KSR2: variants seen among roughly 807,000 people sequenced by gnomAD.
The protein encoded by KSR2 is kinase suppressor of ras 2.
Under a neutral mutation model 107.8 loss-of-function variants are expected in KSR2, and 25 were observed. The observed-to-expected ratio is 0.23, with a 90% CI of 0.17 to 0.32. KSR2 has a LOEUF of 0.32. Among genes scored for constraint, KSR2 ranks in the 10% least tolerant of loss-of-function variants. The pLI is 1.00. For synonymous variants in KSR2, 480 were observed against 507.0 expected (o/e 0.95, Z 0.71); for missense variants, 887 against 1,268.9 (o/e 0.70, Z 4.57).
chr12:117,958,743 C>T (rs1387608598), intron 1 of KSR2, among the ~76,000 whole-genome samples: 1 of 152,140 alleles, frequency 6.6e-6, no homozygotes, highest in Non-Finnish European at 1.5e-5. Context: ...ATTGCTTGAA[C>T]CTGGGAGACA....
chr12:117,772,091 C>T (rs1231752311), intron 3 of KSR2, among the ~76,000 whole-genome samples: 1 of 149,742 alleles, frequency 6.7e-6, no homozygotes, highest in Non-Finnish European at 1.5e-5. Context: ...GACACAAAAA[C>T]ACACACACAT....
intron 1 of KSR2, among the ~76,000 whole-genome samples, chr12:117,905,169 G>A (rs1032172164): frequency 2.6e-5 from 4 of 152,094 alleles, no homozygotes; most frequent in African/African-American, 4.8e-5. Flanking sequence ...GTGACAGAGC[G>A]AGACTCCATC....
chr12:117,956,538 A>G (rs1035726368), intron 1 of KSR2, among the ~76,000 whole-genome samples: 5 of 152,212 alleles, frequency 3.3e-5, no homozygotes, highest in African/African-American at 7.2e-5. Context: ...ACCGCATCCC[A>G]GCCTGGGCGA....
At chr12:117,653,643 T>C (rs1288574190) in intron 5 of KSR2, among the ~76,000 whole-genome samples, 1 of 152,214 alleles carries the variant, frequency 6.6e-6, no homozygotes, top group Non-Finnish European at 1.5e-5. Flanking sequence ...GTAAAATTGC[T>C]AGGGGTCCAG....
At chr12:117,480,329 G>C (rs1368544177) in intron 16 of KSR2, among the ~76,000 whole-genome samples, 1 of 152,126 alleles carries the variant, frequency 6.6e-6, no homozygotes, top group Non-Finnish European at 1.5e-5. Flanking sequence ...GCCTGGCACG[G>C]GTGTGGTAGG....
chr12:117,555,401 G>A lies in KSR2; in HGVS notation c.1394-108C>T, dbSNP rs909662955. 5.4e-6 allele frequency: 6 copies of A among 1,103,942 alleles called. No homozygotes were observed. The African/African-American group carries it at 6.2e-5, about 11-fold the overall frequency. The allele number at this position is 1,103,942 out of a possible 1,614,324, so 68.4% of individuals were successfully genotyped here. On this transcript the variant is annotated intron_variant, in intron 8 of 19. Transcript: ENST00000339824. The stretch of plus-strand genomic sequence containing the variant: ...CCTCTTAGACCCACCCTCCAGACTG[G>A]AGGACAATTCACTAAAAGTGATAAT...
At chr12:117,751,511 T>C (rs1045024076) in intron 4 of KSR2, among the ~76,000 whole-genome samples, 1 of 152,164 alleles carries the variant, frequency 6.6e-6, no homozygotes, top group African/African-American at 2.4e-5. Flanking sequence ...TTGCCCCTTG[T>C]TGGTAGACTG....
chr12:117,735,964 C>G (rs531385966), intron 4 of KSR2, among the ~76,000 whole-genome samples: 1 of 152,210 alleles, frequency 6.6e-6, no homozygotes, highest in South Asian at 2.1e-4. Flanking sequence ...GTAATTTTCC[C>G]AGAGTGTTGT....
chr12:117,622,634 A>C (rs1241895792), intron 5 of KSR2, among the ~76,000 whole-genome samples: 2 of 152,130 alleles, frequency 1.3e-5, no homozygotes, highest in African/African-American at 4.8e-5. Flanking sequence ...TCCACACAAA[A>C]TCTTGTGGAG....
At chr12:117,856,321 C>T (rs1441580028) in intron 2 of KSR2, among the ~76,000 whole-genome samples, 3 of 152,136 alleles carry the variant, frequency 2.0e-5, no homozygotes, top group Admixed American at 1.3e-4. Context: ...TCTCCCTAGA[C>T]CATCATATGG....
At chr12:117,480,095 A>G (rs1872072743) in intron 16 of KSR2, among the ~76,000 whole-genome samples, 1 of 146,312 alleles carries the variant, frequency 6.8e-6, no homozygotes, top group Non-Finnish European at 1.5e-5. Context: ...AGTTGAGACT[A>G]GAGCCCACAG....
At chr12:117,646,123 T>C (rs1372066310) in intron 5 of KSR2, among the ~76,000 whole-genome samples, 1 of 152,134 alleles carries the variant, frequency 6.6e-6, no homozygotes, top group South Asian at 2.1e-4. Flanking sequence ...TTATACTCTA[T>C]TGTTTAAGAA....
intron 14 of KSR2, among the ~76,000 whole-genome samples, chr12:117,500,673 C>T (rs892655294): frequency 2.0e-5 from 3 of 152,206 alleles, no homozygotes; most frequent in Non-Finnish European, 4.4e-5. Flanking sequence ...GTTTCCCAAG[C>T]TCCTGAGATA....
chr12:117,709,009 T>C (rs1886646148), intron 4 of KSR2, among the ~76,000 whole-genome samples: 1 of 151,992 alleles, frequency 6.6e-6, no homozygotes, highest in Admixed American at 6.6e-5. Context: ...TATCATCACA[T>C]CTCCTTTTTT....
intron 4 of KSR2, among the ~76,000 whole-genome samples, chr12:117,735,785 G>A (rs540198467): frequency 6.6e-6 from 1 of 152,176 alleles, no homozygotes; most frequent in Non-Finnish European, 1.5e-5. Context: ...ACGCTTAACG[G>A]CTTAAAAATG....
At chr12:117,728,146 T>C (rs1282728920) in intron 4 of KSR2, among the ~76,000 whole-genome samples, 4 of 152,208 alleles carry the variant, frequency 2.6e-5, no homozygotes, top group Non-Finnish European at 4.4e-5. Flanking sequence ...TCTAGGGATA[T>C]ACCTCCATCA....
chr12:117,538,659 G>A (rs1352528152), intron 10 of KSR2, among the ~76,000 whole-genome samples: 3 of 152,202 alleles, frequency 2.0e-5, no homozygotes, highest in Non-Finnish European at 4.4e-5. Context: ...ATTCAGTACG[G>A]CAGCCACCAG....
chr12:117,688,583 A>G (rs924081442), intron 4 of KSR2, among the ~76,000 whole-genome samples: 1 of 152,192 alleles, frequency 6.6e-6, no homozygotes, highest in South Asian at 2.1e-4. Flanking sequence ...CAGGTTTGAC[A>G]TTGGCTGATG....
intron 3 of KSR2, among the ~76,000 whole-genome samples, chr12:117,789,987 C>A (rs756218875): frequency 6.6e-6 from 1 of 152,134 alleles, no homozygotes; most frequent in Non-Finnish European, 1.5e-5. Context: ...GAGGAAGACA[C>A]GCTGGACCCT....
Sources: gnomAD v4.1 joint callset for allele counts (sites outside exome capture counted in the v4.1 genomes callset) on GRCh38, gnomAD v4.1.1 for gene constraint, MANE v1.5 for transcripts, NCBI Gene and HGNC (gene_info 2026-07-23, HGNC 2026-07-21) for gene names.